The following TENM4 variants were observed in gnomAD, a reference collection of about 807,000 sequenced individuals.
The protein encoded by TENM4 is teneurin-4.
Under a neutral mutation model 243.3 loss-of-function variants are expected in TENM4, and 82 were observed. The ratio of observed to expected loss-of-function variants is 0.34; its 90% CI spans 0.28 to 0.40. The LOEUF (loss-of-function observed/expected upper bound fraction) is 0.40. TENM4 is among the 10% of genes least tolerant of loss of function. TENM4 has a pLI of 1.00. For missense variants in TENM4, 3,138 were observed against 3,673.3 expected, an observed-to-expected ratio of 0.85 and a Z score of 3.77; for synonymous variants, 1,412 against 1,456.3, an observed-to-expected ratio of 0.97 and a Z score of 0.69.
chr11:78,964,292 C>T (rs574753444), intron 6 of TENM4, among the ~76,000 whole-genome samples: 8 of 152,166 alleles, frequency 5.3e-5, no homozygotes, highest in East Asian at 1.9e-4. Context: ...CTGCCTGCCT[C>T]GACCTCCCAA....
intron 1 of TENM4, among the ~76,000 whole-genome samples, chr11:79,337,559 G>A (rs1056089565): frequency 1.3e-5 from 2 of 152,196 alleles, no homozygotes; most frequent in African/African-American, 2.4e-5. Flanking sequence ...GCTAAGAGTT[G>A]TAGGTTATTG....
chr11:79,212,492 A>G (rs1295929819), intron 3 of TENM4, among the ~76,000 whole-genome samples: 6 of 152,168 alleles, frequency 3.9e-5, no homozygotes, highest in African/African-American at 1.4e-4. Context: ...TTAATTGCTT[A>G]ATTTTAAATT....
intron 1 of TENM4, among the ~76,000 whole-genome samples, chr11:79,335,906 C>A (rs187086118): frequency 2.0e-5 from 3 of 152,310 alleles, no homozygotes; most frequent in Non-Finnish European, 4.4e-5. Flanking sequence ...TGAGCTCTTA[C>A]AGACAGCAGA....
chr11:79,372,791 TCTC>T (rs775793420), intron 1 of TENM4, among the ~76,000 whole-genome samples: 9 of 152,156 alleles, frequency 5.9e-5, no homozygotes, highest in East Asian at 5.8e-4. Context: ...TCTACATTAC[TCTC>T]CTCCTTCTTT....
intron 4 of TENM4, among the ~76,000 whole-genome samples, chr11:79,112,558 T>G (rs1326774076): frequency 1.3e-5 from 2 of 152,106 alleles, no homozygotes; most frequent in African/African-American, 4.8e-5. Context: ...ACTGGTCAGT[T>G]CAGGTCAGGC....
chr11:79,372,181 A>ATTTTAT (rs1223558786), intron 1 of TENM4, among the ~76,000 whole-genome samples: 1 of 152,016 alleles, frequency 6.6e-6, no homozygotes, highest in Non-Finnish European at 1.5e-5. Context: ...TTGAGTGGTG[A>ATTTTAT]TTTTATTTTT....
Position 78,906,893 on chromosome 11 carries a change from G to T in TENM4, c.494-3370C>A, listed in dbSNP as rs112056393. 1.0e-3 allele frequency among the ~76,000 whole-genome samples: 157 copies of T among 152,290 alleles called. 2 individuals carry two copies. The highest frequency in any genetic ancestry group is 6.8e-3 in the Middle Eastern group (2 of 294). On this transcript the variant is annotated intron_variant, in intron 6 of 33. Transcript: ENST00000278550. ...CTCAATTAAGTTTATTGAATGAATA[G>T]CCATGTGAATGGCCTGAGCTGTCAG...
chr11:79,317,953 C>A (rs1477738838), intron 1 of TENM4, among the ~76,000 whole-genome samples: 1 of 152,128 alleles, frequency 6.6e-6, no homozygotes, highest in Non-Finnish European at 1.5e-5. Context: ...AACTAGCTTT[C>A]CATGGTGGCC....
intron 29 of TENM4, among the ~76,000 whole-genome samples, chr11:78,686,025 C>T (rs1048045062): frequency 6.6e-6 from 1 of 152,252 alleles, no homozygotes; most frequent in Non-Finnish European, 1.5e-5. Context: ...CTCTGACCTT[C>T]TCCTGCCCTC....
At chr11:79,402,680 T>C (rs895392013) in intron 1 of TENM4, among the ~76,000 whole-genome samples, 1 of 152,068 alleles carries the variant, frequency 6.6e-6, no homozygotes, top group East Asian at 1.9e-4. Context: ...ACACCTCTCC[T>C]CTGCAGCCAT....
At chr11:79,061,965 A>AT (rs10647135) in intron 6 of TENM4, among the ~76,000 whole-genome samples, 17,313 of 143,100 alleles carry the variant, frequency 0.12, 1,280 homozygotes, top group Middle Eastern at 0.16. Context: ...GGTGGCAACT[A>AT]TTTTTTTTTT....
In TENM4 at chr11:78,701,626, C is replaced by T. The variant is rs773407680; in HGVS notation, c.4987G>A (p.Val1663Met). ...TMGTNSALKS[V>M]TTQGHELAMM... Reference sequence around the variant, plus strand: ...GCCAACTCGTGTCCTTGTGTGGTCACACTCTTGAGTGCACTGTTGGTGCCC... The same window carrying T: ...GCCAACTCGTGTCCTTGTGTGGTCATACTCTTGAGTGCACTGTTGGTGCCC... Residue 1663 changes from valine (V) to methionine (M), a missense_variant, in exon 28 of 34, where the codon GTG (valine) becomes ATG (methionine). Val to Met is a conservative substitution (Grantham distance 21). Transcript: ENST00000278550. 4 of 1,613,532 alleles carry T rather than the reference C, an allele frequency of 2.5e-6. No homozygotes were observed. Among genetic ancestry groups the T allele is most frequent in the Admixed American group, 3.3e-5 (2 of 59,992 alleles).
chr11:79,147,579 C>T (rs1862417553), intron 4 of TENM4, among the ~76,000 whole-genome samples: 1 of 152,004 alleles, frequency 6.6e-6, no homozygotes, highest in Admixed American at 6.6e-5. Context: ...TCTTTTCTCT[C>T]CTTATGAGAG....
chr11:78,805,306 T>G lies in TENM4; in HGVS notation c.2165A>C (p.His722Pro), dbSNP rs1476722929. ...LCSCDPSWTG[H>P]DCSIEICAAD... The stretch of plus-strand genomic sequence containing the variant: ...CCTGCATTTACCGATAGAACAGTCG[T>G]GTCCAGTCCAGCTTGGGTCACAGCT... The change falls in exon 15 of 34, where the codon CAC becomes CCC. Residue 722 changes from histidine (H) to proline (P), a missense_variant. Around this residue, in one of 2 missense-constraint regions of TENM4, gnomAD observed 2,467 missense variants for 3,059.1 expected, o/e 0.81. Coordinates refer to ENST00000278550, the MANE Select transcript of TENM4 (RefSeq NM_001098816.3). The G allele has an allele frequency of 3.9e-5, 41 of 1,060,176 alleles. No homozygotes were observed. Among genetic ancestry groups the G allele is most frequent in the Non-Finnish European group, 4.8e-5 (41 of 845,606 alleles). The allele number at this position is 1,060,176 out of a possible 1,614,324, so 65.7% of individuals were successfully genotyped here. A position where few individuals can be genotyped will look rare whatever the true frequency, so the allele number is the denominator to read the frequency against.
rs773376297 is a variant in TENM4, at chr11:78,658,051, C to T, written c.*7G>A. The T allele has an allele frequency of 1.2e-6, 2 of 1,611,396 alleles. No individual in the cohort carries two copies. Among genetic ancestry groups the T allele is most frequent in the Non-Finnish European group, 1.7e-6 (2 of 1,178,466 alleles). ...TGTCTTTGGCAAGAAGTCCTTGGTC[C>T]TCTCTGTCACCTCCGGCCCATCTCG... On this transcript the variant is annotated 3_prime_UTR_variant, in exon 34 of 34. Coordinates refer to ENST00000278550, the MANE Select transcript of TENM4 (RefSeq NM_001098816.3).
At chr11:79,286,438 A>C (rs1342887719) in intron 2 of TENM4, among the ~76,000 whole-genome samples, 1 of 150,200 alleles carries the variant, frequency 6.7e-6, no homozygotes, top group Non-Finnish European at 1.5e-5. Flanking sequence ...GGATCACCTG[A>C]GGTCAGAAGT....
At chr11:79,427,941 C>T in intron 1 of TENM4, among the ~76,000 whole-genome samples, 1 of 152,276 alleles carries the variant, frequency 6.6e-6, no homozygotes, top group Admixed American at 6.5e-5. Context: ...ACTGAGGCTA[C>T]AACAATACTG....
intron 12 of TENM4, among the ~76,000 whole-genome samples, chr11:78,831,401 T>C (rs1857975585): frequency 6.6e-6 from 1 of 152,214 alleles, no homozygotes; most frequent in African/African-American, 2.4e-5. Flanking sequence ...TGTGATATGA[T>C]GAAGGCACAG....
intron 19 of TENM4, among the ~76,000 whole-genome samples, chr11:78,745,352 G>A (rs1223104689): frequency 6.6e-6 from 1 of 151,214 alleles, no homozygotes; most frequent in African/African-American, 2.4e-5. Context: ...TCAGCCTCCT[G>A]AGTAGCTGGG....
Sources: gnomAD v4.1 joint callset for allele counts (sites outside exome capture counted in the v4.1 genomes callset) on GRCh38, gnomAD v4.1.1 for gene constraint, gnomAD v4.1.1 regional missense constraint, MANE v1.5 for transcripts, NCBI Gene and HGNC (gene_info 2026-07-23, HGNC 2026-07-21) for gene names.